The following BSPRY variants were observed in gnomAD, a reference collection of about 807,000 sequenced individuals.
BSPRY encodes the protein B-box and SPRY domain containing.
In BSPRY, 33 loss-of-function variants were observed where a neutral mutation model predicts 38.0. That is an observed-to-expected ratio of 0.87 (90% CI 0.66 to 1.16). BSPRY has a LOEUF of 1.16. Among genes scored for constraint, BSPRY ranks in the 50% most tolerant of loss-of-function variants. BSPRY has a pLI of 0.00. For synonymous variants in BSPRY, 224 were observed against 228.5 expected, an observed-to-expected ratio of 0.98 and a Z score of 0.18; for missense variants, 523 against 533.2, an observed-to-expected ratio of 0.98 and a Z score of 0.19.
At position 113,349,569 on chromosome 9, in the gene BSPRY, G is replaced by A. The variant is rs538415944; in HGVS notation, c.-11G>A. 1 of 1,148,690 alleles carries A rather than the reference G, an allele frequency of 8.7e-7. No homozygotes were observed. The highest frequency in any genetic ancestry group is 1.1e-6 in the Non-Finnish European group (1 of 936,024). The allele number at this position is 1,148,690 out of a possible 1,614,324, so 71.2% of individuals were successfully genotyped here. ...TGCGACAGGTGGAGCGCACGGGGCG[G>A]GCGCACGGCCATGTCCGCCGAGGGC... On this transcript the variant is annotated 5_prime_UTR_variant, in exon 1 of 6. Transcript: ENST00000374183.
intron 2 of BSPRY, among the ~76,000 whole-genome samples, chr9:113,354,628 A>G (rs1834027771): frequency 6.6e-6 from 1 of 152,220 alleles, no homozygotes; most frequent in Admixed American, 6.5e-5. Context: ...GCCCAGCTGC[A>G]GAATTATAAA....
chr9:113,362,425 A>G (rs762175856), intron 4 of BSPRY, 31 bp downstream of exon 4: 13 of 1,608,878 alleles, frequency 8.1e-6, no homozygotes, highest in Admixed American at 6.7e-5. Context: ...TTGACTGGGT[A>G]GTCTTGGAGA....
At chr9:113,361,519 G>A (rs1265562262) in intron 3 of BSPRY, among the ~76,000 whole-genome samples, 3 of 152,190 alleles carry the variant, frequency 2.0e-5, no homozygotes, top group Non-Finnish European at 4.4e-5. Context: ...GGAAGGATAT[G>A]TGCTATGGTA....
At chr9:113,360,190 G>C (rs531814182) in intron 2 of BSPRY, among the ~76,000 whole-genome samples, 1 of 152,122 alleles carries the variant, frequency 6.6e-6, no homozygotes, top group Non-Finnish European at 1.5e-5. Context: ...CTTTGACCTT[G>C]TATTCCCAAC....
chr9:113,366,667 A>G (rs1241854689), intron 4 of BSPRY, among the ~76,000 whole-genome samples: 3 of 152,332 alleles, frequency 2.0e-5, no homozygotes, highest in Middle Eastern at 3.4e-3. Context: ...ACAGCTTAGC[A>G]CCGCTGACAT....
In BSPRY at chr9:113,354,292, C is replaced by T; in HGVS notation, c.254C>T (p.Thr85Ile). 1 of 1,614,128 alleles carries T rather than the reference C, an allele frequency of 6.2e-7. No individual in the cohort carries two copies. Among genetic ancestry groups the T allele is most frequent in the Non-Finnish European group, 8.5e-7 (1 of 1,180,008 alleles). The part of the protein sequence containing the change: ...ERLQLQSAAI[T>I]KYVADVLPGK... Reference sequence around the variant, plus strand: ...CTGCAGTTACAGAGTGCTGCCATCACCAAGTATGTGGCGGACGTCCTGCCG... The same window carrying T: ...CTGCAGTTACAGAGTGCTGCCATCATCAAGTATGTGGCGGACGTCCTGCCG... Residue 85 changes from threonine to isoleucine, a missense_variant, in exon 2 of 6, where the codon ACC becomes ATC. Physicochemically the swap from Thr to Ile is moderately conservative, Grantham distance 89. Transcript: ENST00000374183.
intron 1 of BSPRY, among the ~76,000 whole-genome samples, chr9:113,353,447 A>G (rs2118904704): frequency 6.6e-6 from 1 of 152,202 alleles, no homozygotes; most frequent in East Asian, 1.9e-4. Context: ...TCACACCTGT[A>G]ATCCCAGCAC....
At chr9:113,363,713 C>T (rs554818453) in intron 4 of BSPRY, among the ~76,000 whole-genome samples, 18 of 150,020 alleles carry the variant, frequency 1.2e-4, no homozygotes, top group African/African-American at 4.2e-4. Flanking sequence ...GAAATCCTGT[C>T]TCTACTAAAA....
At position 113,359,896 on chromosome 9, in the gene BSPRY, T is replaced by G. The variant is rs533007105; in HGVS notation, c.301-611T>G. On this transcript the variant is annotated intron_variant, in intron 2 of 5. Transcript: ENST00000374183. ...TTAAAAAAAATTTAAAAAAAAAAATTTCCCATTCAGTCAATATTTGAGTAC... is the reference window on the plus strand; with the variant it reads ...TTAAAAAAAATTTAAAAAAAAAAATGTCCCATTCAGTCAATATTTGAGTAC... 2.0e-4 allele frequency among the ~76,000 whole-genome samples: 31 copies of G among 152,062 alleles called. No individual in the cohort carries two copies. The South Asian group carries it at 5.6e-3, about 27-fold the overall frequency.
intron 4 of BSPRY, among the ~76,000 whole-genome samples, chr9:113,366,378 T>A (rs1834252180): frequency 6.6e-6 from 1 of 152,236 alleles, no homozygotes; most frequent in Admixed American, 6.5e-5. Flanking sequence ...TCAAAAGTTG[T>A]GAAGCCCCAT....
intron 1 of BSPRY, among the ~76,000 whole-genome samples, chr9:113,351,329 C>T (rs1833968519): frequency 6.6e-6 from 1 of 152,116 alleles, no homozygotes; most frequent in African/African-American, 2.4e-5. Flanking sequence ...TTGCACATTC[C>T]TTCCTCTATC....
intron 1 of BSPRY, among the ~76,000 whole-genome samples, chr9:113,352,703 G>A (rs1277682983): frequency 6.6e-6 from 1 of 152,178 alleles, no homozygotes. Context: ...GCCATTGGAG[G>A]GTTTTGAGTA....
intron 5 of BSPRY, 27 bp from the exon 6 acceptor site, chr9:113,369,589 G>A (rs10115141): frequency 0.075 from 118,821 of 1,578,728 alleles, 4,969 homozygotes; most frequent in African/African-American, 0.15. Flanking sequence ...GTGGGCCCTC[G>A]GCAACTCTGA....
In BSPRY at chr9:113,354,108, G is replaced by A. The variant is rs1834016942; in HGVS notation, c.202-132G>A. ...AGATTTAGGAGGTGGTACAGTTTTTGATAATGATGAGATCTGGGCTATGAC... is the reference window on the plus strand; with the variant it reads ...AGATTTAGGAGGTGGTACAGTTTTTAATAATGATGAGATCTGGGCTATGAC... On this transcript the variant is annotated intron_variant, in intron 1 of 5. Coordinates refer to ENST00000374183, the MANE Select transcript of BSPRY (RefSeq NM_017688.3). 5.9e-6 allele frequency: 4 copies of A among 677,246 alleles called. No individual in the cohort carries two copies. The Admixed American group carries it at 7.2e-5, about 12-fold the overall frequency. The allele number at this position is 677,246 out of a possible 1,614,324, so 42.0% of individuals were successfully genotyped here.
chr9:113,354,094 G>A (rs1834016820), intron 1 of BSPRY, 146 bp from the exon 2 acceptor site: 1 of 642,342 alleles, frequency 1.6e-6, no homozygotes, highest in Non-Finnish European at 2.8e-6. Flanking sequence ...GATTTAGGAG[G>A]TGGTACAGTT....
chr9:113,359,170 G>A (rs1048787640), intron 2 of BSPRY, among the ~76,000 whole-genome samples: 1 of 152,170 alleles, frequency 6.6e-6, no homozygotes, highest in Non-Finnish European at 1.5e-5. Context: ...GCCTTATGAG[G>A]TAGGTACTAT....
rs1834325955 is a variant in BSPRY at position 113,370,236 on chromosome 9, T to G, written c.*94T>G. 1 of 1,434,322 alleles carries G rather than the reference T, an allele frequency of 7.0e-7. No individual in the cohort carries two copies. The highest frequency in any genetic ancestry group is 1.4e-5 in the African/African-American group (1 of 69,900). 88.8% of individuals were successfully genotyped at this position (1,434,322 alleles called of 1,614,324 possible). A position where few individuals can be genotyped will look rare whatever the true frequency, so the allele number is the denominator to read the frequency against. ...TTTCCCAAATGATGTGTGTGGTGTT[T>G]CTAAGAGAAACAGGGCCCATAACCA... On this transcript the variant is annotated 3_prime_UTR_variant, in exon 6 of 6. Coordinates refer to ENST00000374183, the MANE Select transcript of BSPRY (RefSeq NM_017688.3). This position sits in a 1 kb window ranked among gnomAD's most constrained non-coding sequence, Gnocchi z 4.8.
At chr9:113,357,945 T>C (rs1834089661) in intron 2 of BSPRY, among the ~76,000 whole-genome samples, 2 of 92,042 alleles carry the variant, frequency 2.2e-5, no homozygotes, top group African/African-American at 6.8e-5. Context: ...TATATATATC[T>C]CTATTAAGCT....
chr9:113,364,117 C>T (rs918541034), intron 4 of BSPRY, among the ~76,000 whole-genome samples: 2 of 151,830 alleles, frequency 1.3e-5, no homozygotes, highest in East Asian at 1.9e-4. Flanking sequence ...GCCCAGGAGG[C>T]GGAGGTTATA....
Sources: gnomAD v4.1 joint callset for allele counts (sites outside exome capture counted in the v4.1 genomes callset) on GRCh38, gnomAD v4.1.1 for gene constraint, Gnocchi (gnomAD v3.1) non-coding constraint, MANE v1.5 for transcripts, NCBI Gene and HGNC (gene_info 2026-07-23, HGNC 2026-07-21) for gene names.